Variants in GIMAP8 observed in about 807,000 individuals in gnomAD.
GIMAP8 encodes GTPase IMAP family member 8.
GIMAP8 carries 29 observed loss-of-function variants against 35.6 expected under a neutral mutation model. That is an observed-to-expected ratio of 0.81 (90% CI 0.61 to 1.11). The LOEUF (loss-of-function observed/expected upper bound fraction) is 1.11. GIMAP8 is among the 50% of genes most tolerant of loss of function. GIMAP8 has a pLI of 0.00. For synonymous variants in GIMAP8, 335 were observed against 308.7 expected (o/e 1.09, Z -0.89); for missense variants, 811 against 805.0 (o/e 1.01, Z -0.09).
At chr7:150,469,951 G>C (rs899300454) in intron 2 of GIMAP8, among the ~76,000 whole-genome samples, 5 of 152,154 alleles carry the variant, frequency 3.3e-5, no homozygotes, top group African/African-American at 1.2e-4. Context: ...CAAATAATAA[G>C]TCTCCATATG....
intron 2 of GIMAP8, 47 bp from the exon 3 acceptor site, chr7:150,470,766 TTTCAGTTTGTGGAAGA>T: frequency 1.4e-6 from 1 of 719,452 alleles, no homozygotes; most frequent in Non-Finnish European, 2.2e-6. Flanking sequence ...TTTTTTTTTT[TTTCAGTTTGTGGAAGA>T]TGAGGTTTTA....
At position 150,474,727 on chromosome 7, in the gene GIMAP8, CT is replaced by C. The variant is rs367882588; in HGVS notation, c.1309+98del. On this transcript the variant is annotated intron_variant, in intron 4 of 4. Transcript: ENST00000307271. ...AAGAACTTTTTATTTTCTTTTTTTT[CT>C]TTTTTTTTATTATACTTTAAGTTTT... is the stretch of plus-strand genomic sequence containing the variant. 6,920 of 872,316 alleles carry C rather than the reference CT, an allele frequency of 7.9e-3. 324 individuals are homozygous for C. In the African/African-American group the frequency reaches 0.1, roughly 13 times the overall value. The allele number at this position is 872,316 out of a possible 1,614,324, so 54.0% of individuals were successfully genotyped here.
At chr7:150,476,136 G>GGGCATAACTATGAAGTTGAAGTTTC in intron 4 of GIMAP8, among the ~76,000 whole-genome samples, 1 of 152,138 alleles carries the variant, frequency 6.6e-6, no homozygotes, top group South Asian at 2.1e-4. Context: ...TTCATCTGCT[G>GGGCATAACTATGAAGTTGAAGTTTC]GGCATAACTA....
chr7:150,469,408 T>C (rs948823471), intron 2 of GIMAP8, among the ~76,000 whole-genome samples: 1 of 152,258 alleles, frequency 6.6e-6, no homozygotes, highest in Non-Finnish European at 1.5e-5. Context: ...TCACTGGTTG[T>C]CTACCTACCC....
rs1458984891 is a variant in GIMAP8, at chr7:150,452,798, G to A, written c.-29+1623G>A. On this transcript the variant is annotated intron_variant, in intron 1 of 4. Coordinates refer to ENST00000307271, the MANE Select transcript of GIMAP8 (RefSeq NM_175571.4). ...GACGGGGATTTCATCATGTTGACCA[G>A]GCTGGTCTCAAACTCCTGATCTCGA... 2.0e-5 allele frequency among the ~76,000 whole-genome samples: 3 copies of A among 150,082 alleles called. No individual in the cohort carries two copies. The East Asian group carries it at 5.9e-4, about 29-fold the overall frequency.
chr7:150,473,201 G>C (rs1456293464), intron 3 of GIMAP8, among the ~76,000 whole-genome samples: 1 of 152,140 alleles, frequency 6.6e-6, no homozygotes, highest in Non-Finnish European at 1.5e-5. Flanking sequence ...TCATAGGTCT[G>C]GTGTTGATGC....
rs767910142 is a variant in GIMAP8 at position 150,474,421 on chromosome 7, CA to C, written c.1093del (p.Arg365GlyfsTer5). ...TTGAGTACATGATCATACTTCTTAC[CA>C]GGAAAGAAGATTTAGGGGATCAGGA... ...FFEYMIILLT[R>X]KEDLGDQDLD... On this transcript the variant is annotated frameshift_variant, in exon 4 of 5. Coordinates refer to ENST00000307271, the MANE Select transcript of GIMAP8 (RefSeq NM_175571.4). LOFTEE classifies it high-confidence loss of function. 2 of 1,613,856 alleles carry C rather than the reference CA, an allele frequency of 1.2e-6. No individual in the cohort carries two copies. Among genetic ancestry groups the C allele is most frequent in the Admixed American group, 3.3e-5 (2 of 59,998 alleles).
intron 1 of GIMAP8, among the ~76,000 whole-genome samples, chr7:150,459,666 T>C (rs979560125): frequency 2.0e-5 from 3 of 152,222 alleles, no homozygotes; most frequent in Non-Finnish European, 4.4e-5. Context: ...AGAAGGCCAT[T>C]CCACTTTTCT....
chr7:150,470,902 C>G (rs529703621), intron 3 of GIMAP8, 28 bp downstream of exon 3: 2 of 1,504,362 alleles, frequency 1.3e-6, no homozygotes, highest in African/African-American at 2.8e-5. Flanking sequence ...AAACATTAAG[C>G]TCACACTTGT....
intron 3 of GIMAP8, among the ~76,000 whole-genome samples, chr7:150,471,438 C>T (rs1185287721): frequency 6.6e-6 from 1 of 152,190 alleles, no homozygotes; most frequent in African/African-American, 2.4e-5. Flanking sequence ...CTGGGTCAGC[C>T]CTGTGCAAGC....
rs751098205 is a variant in GIMAP8, at chr7:150,477,169, G to C, written c.1387G>C (p.Val463Leu). Reference protein sequence around the residue: ...ATGNSILGSLVFTSRLRAQPV... With the variant: ...ATGNSILGSLLFTSRLRAQPV... The stretch of plus-strand genomic sequence containing the variant: ...CGGGAACTCTATCCTGGGGAGCCTC[G>C]TCTTCACCTCTCGGCTCCGGGCCCA... Residue 463 changes from valine (V) to leucine (L), a missense_variant, in exon 5 of 5, where the codon GTC (valine) becomes CTC (leucine). Transcript: ENST00000307271. 1 of 1,614,078 alleles carries C rather than the reference G, an allele frequency of 6.2e-7. No homozygotes were observed. The highest frequency in any genetic ancestry group is 1.7e-5 in the Admixed American group (1 of 60,016).
intron 1 of GIMAP8, among the ~76,000 whole-genome samples, chr7:150,461,470 C>A (rs1262536360): frequency 1.3e-5 from 2 of 152,084 alleles, no homozygotes; most frequent in African/African-American, 4.8e-5. Context: ...TATATAATAA[C>A]CTTCTTCGTG....
At chr7:150,457,158 C>A (rs1174793223) in intron 1 of GIMAP8, among the ~76,000 whole-genome samples, 1 of 152,206 alleles carries the variant, frequency 6.6e-6, no homozygotes, top group East Asian at 1.9e-4. Flanking sequence ...TAAAAGTATT[C>A]CTTAAGGAGA....
intron 1 of GIMAP8, among the ~76,000 whole-genome samples, chr7:150,457,086 A>G (rs1194223083): frequency 6.6e-6 from 1 of 152,208 alleles, no homozygotes; most frequent in African/African-American, 2.4e-5. Flanking sequence ...ACAGAGTTTC[A>G]CCCACCTATT....
chr7:150,461,518 G>C (rs950041122), intron 1 of GIMAP8, among the ~76,000 whole-genome samples: 1 of 152,006 alleles, frequency 6.6e-6, no homozygotes, highest in Non-Finnish European at 1.5e-5. Context: ...TTTGTCTGAT[G>C]TAAGTATAGC....
At position 150,477,137 on chromosome 7, in the gene GIMAP8, G is replaced by A. The variant is rs1802247828; in HGVS notation, c.1355G>A (p.Ser452Asn). The change falls in exon 5 of 5, where the codon AGT becomes AAT. Residue 452 changes from serine to asparagine, a missense_variant. Physicochemically the swap from Ser to Asn is conservative, Grantham distance 46 (BLOSUM62 1). Transcript: ENST00000307271. ...GTGGGGAGAAGCGGGACTGGGAAGA[G>A]TGCGACCGGGAACTCTATCCTGGGG... ...VLVGRSGTGK[S>N]ATGNSILGSL... 1 of 1,613,170 alleles carries A rather than the reference G, an allele frequency of 6.2e-7. No homozygotes were observed. The highest frequency in any genetic ancestry group is 1.1e-5 in the South Asian group (1 of 91,072).
Position 150,474,053 on chromosome 7 carries a change from A to G in GIMAP8, c.724A>G (p.Asn242Asp). The G allele has an allele frequency of 6.2e-7, 1 of 1,614,142 alleles. No homozygotes were observed. The highest frequency in any genetic ancestry group is 8.5e-7 in the Non-Finnish European group (1 of 1,180,022). ...GCTGCAGTCCACAGGACCCGAGCAG[A>G]ATCCGGGGACATCAGAACTGACAGT... ...RQLQSTGPEQ[N>D]PGTSELTVLL... The change falls in exon 4 of 5, where the codon AAT becomes GAT. Residue 242 changes from asparagine to aspartate, a missense_variant. By Grantham distance (23) the Asn-to-Asp change is conservative. Transcript: ENST00000307271.
Position 150,474,350 on chromosome 7 carries a change from GAGGC to G in GIMAP8, c.1024_1027del (p.Ala342CysfsTer2). 6.2e-7 allele frequency: 1 copy of G among 1,614,188 alleles called. No individual in the cohort carries two copies. The highest frequency in any genetic ancestry group is 1.1e-5 in the South Asian group (1 of 91,076). ...ACTGGGCTTTTACACTAAGAATGAT[GAGGC>G]AGTGCTGAGCACCATCCAAAACAAT... is the stretch of plus-strand genomic sequence containing the variant. On this transcript the variant is annotated frameshift_variant, in exon 4 of 5. Transcript: ENST00000307271. LOFTEE classifies it high-confidence loss of function.
intron 1 of GIMAP8, among the ~76,000 whole-genome samples, chr7:150,464,142 A>T (rs993937579): frequency 6.6e-6 from 1 of 152,226 alleles, no homozygotes; most frequent in Non-Finnish European, 1.5e-5. Context: ...AACTTTCCTC[A>T]TACAGAGTTT....
Sources: gnomAD v4.1 joint callset for allele counts (sites outside exome capture counted in the v4.1 genomes callset) on GRCh38, gnomAD v4.1.1 for gene constraint, MANE v1.5 for transcripts, NCBI Gene and HGNC (gene_info 2026-07-23, HGNC 2026-07-21) for gene names.